ASB6: variants seen among roughly 807,000 people sequenced by gnomAD.
ASB6 encodes the protein ankyrin repeat and SOCS box protein 6.
In ASB6, 24 loss-of-function variants were observed where a neutral mutation model predicts 28.6. The observed-to-expected ratio is 0.84, with a 90% CI of 0.61 to 1.18. The LOEUF (loss-of-function observed/expected upper bound fraction) is 1.18, where lower values mean the gene tolerates loss of function less well. ASB6 is among the 50% of genes most tolerant of loss of function. The probability of loss-of-function intolerance (pLI) is 0.00; values close to 1 mark genes in which losing one functional copy is unlikely to be tolerated. For missense variants in ASB6, 519 were observed against 559.8 expected (o/e 0.93, Z 0.74); for synonymous variants, 267 against 243.4 (o/e 1.10, Z -0.90).
Position 129,639,482 on chromosome 9 carries a change from G to A in ASB6, c.322C>T (p.His108Tyr), listed in dbSNP as rs1831640261. Residue 108 changes from histidine to tyrosine, a missense_variant, in exon 3 of 6, where the codon CAC becomes TAC. His to Tyr is a moderately conservative substitution (Grantham distance 83). Transcript: ENST00000277458. ...EDPVTYYTAL[H>Y]IAVLRNQPDM... ...GGCTGGTTCCGCAGGACGGCGATGT[G>A]CAAGGCCGTGTAGTAGGTGACTGGG... The A allele has an allele frequency of 3.1e-6, 5 of 1,613,614 alleles. No homozygotes were observed. In the South Asian group the frequency reaches 5.5e-5, roughly 18 times the overall value.
In ASB6 at chr9:129,638,060, G is replaced by A; in HGVS notation, c.996C>T (p.Leu332=). The change falls in exon 6 of 6, where the codon CTC becomes CTT. Residue 332 remains leucine, a synonymous_variant. Transcript: ENST00000277458. ...LLRKAETVLD[L]MVTNSQKLQL... ...GGAGTTTCTGAGAGTTGGTCACCAT[G>A]AGATCCAGGACAGTCTCAGCTTTGC... 1.9e-6 allele frequency: 3 copies of A among 1,614,210 alleles called. No homozygotes were observed. Among genetic ancestry groups the A allele is most frequent in the Non-Finnish European group, 2.5e-6 (3 of 1,180,046 alleles).
In ASB6 at chr9:129,637,824, C is replaced by A. The variant is rs568864328; in HGVS notation, c.1232G>T (p.Ser411Ile). The change falls in exon 6 of 6, where the codon AGC becomes ATC. Residue 411 changes from serine to isoleucine, a missense_variant. By Grantham distance (142) the Ser-to-Ile change is moderately radical. Coordinates refer to ENST00000277458, the MANE Select transcript of ASB6 (RefSeq NM_017873.4). ...ATCTTCCACGGAGCCACTGTGCTCG[C>A]TAAGGAGGTACCACTTCAGCCTGTC... ...LPDRLKWYLL[S>I]EHSGSVEDDI The A allele has an allele frequency of 1.3e-5, 20 of 1,519,012 alleles. No individual in the cohort carries two copies. The East Asian group carries it at 3.4e-4, about 26-fold the overall frequency. 94.1% of individuals were successfully genotyped at this position (1,519,012 alleles called of 1,614,324 possible).
chr9:129,635,509 G>A lies in ASB6; in HGVS notation c.*2281C>T. ...ACTGAGGAACCACAGTCCTGGTGGG[G>A]GGAGCTGGCAGCTGGGCAAGATCCA... is the stretch of plus-strand genomic sequence containing the variant. On this transcript the variant is annotated 3_prime_UTR_variant, in exon 6 of 6. Coordinates refer to ENST00000277458, the MANE Select transcript of ASB6 (RefSeq NM_017873.4). 6.3e-7 allele frequency: 1 copy of A among 1,576,572 alleles called. No homozygotes were observed. Among genetic ancestry groups the A allele is most frequent in the Non-Finnish European group, 8.6e-7 (1 of 1,159,770 alleles).
At position 129,642,124 on chromosome 9, in the gene ASB6, G is replaced by C; in HGVS notation, c.-125C>G. The C allele has an allele frequency of 1.5e-6, 2 of 1,338,470 alleles. No homozygotes were observed. Among genetic ancestry groups the C allele is most frequent in the Non-Finnish European group, 1.9e-6 (2 of 1,045,804 alleles). 82.9% of individuals were successfully genotyped at this position (1,338,470 alleles called of 1,614,324 possible). Reference sequence around the variant, plus strand: ...TCCGCCAGTCCAGCCCCTGCGCCCGGCCGGGTCCGCTCCTCAGTCCAAGCC... The same window carrying C: ...TCCGCCAGTCCAGCCCCTGCGCCCGCCCGGGTCCGCTCCTCAGTCCAAGCC... On this transcript the variant is annotated 5_prime_UTR_variant, in exon 1 of 6. Coordinates refer to ENST00000277458, the MANE Select transcript of ASB6 (RefSeq NM_017873.4). This position sits in a 1 kb window ranked among gnomAD's most constrained non-coding sequence, Gnocchi z 4.3.
In ASB6 at chr9:129,635,297, A is replaced by G; in HGVS notation, c.*2493T>C. Reference sequence around the variant, plus strand: ...CGGCATCATCGTCATCAAAGACAACATGGCCCAGGAGGGCGTGATTCTGGA... The same window carrying G: ...CGGCATCATCGTCATCAAAGACAACGTGGCCCAGGAGGGCGTGATTCTGGA... On this transcript the variant is annotated 3_prime_UTR_variant, in exon 6 of 6. Coordinates refer to ENST00000277458, the MANE Select transcript of ASB6 (RefSeq NM_017873.4). The G allele has an allele frequency of 6.2e-7, 1 of 1,613,788 alleles. No individual in the cohort carries two copies. Among genetic ancestry groups the G allele is most frequent in the Non-Finnish European group, 8.5e-7 (1 of 1,180,032 alleles).
chr9:129,636,290 C>CTGAGGCAGGAGAATGGGG lies in ASB6; in HGVS notation c.*1482_*1499dup, dbSNP rs1831547684. On this transcript the variant is annotated 3_prime_UTR_variant, in exon 6 of 6. Transcript: ENST00000277458. ...CCTGTAGTCCCAGCTACTCAGGAGG[C>CTGAGGCAGGAGAATGGGG]TGAGGCAGGAGAATGGGGTGAGCCC... The CTGAGGCAGGAGAATGGGG allele has an allele frequency of 6.6e-6, 1 of 151,690 alleles. No homozygotes were observed. Among genetic ancestry groups the CTGAGGCAGGAGAATGGGG allele is most frequent in the Non-Finnish European group, 1.5e-5 (1 of 68,002 alleles). 9.4% of individuals were successfully genotyped at this position (151,690 alleles called of 1,614,324 possible).
chr9:129,635,626 A>G lies in ASB6; in HGVS notation c.*2164T>C. On this transcript the variant is annotated 3_prime_UTR_variant, in exon 6 of 6. Transcript: ENST00000277458. ...TATGCGGGCTCTTCTTCAAAAGGCA[A>G]GGTGGGACCCGGCGGGGAGGGTGCT... 1.1e-6 allele frequency: 1 copy of G among 900,594 alleles called. No individual in the cohort carries two copies. The highest frequency in any genetic ancestry group is 1.7e-5 in the African/African-American group (1 of 60,286). 55.8% of individuals were successfully genotyped at this position (900,594 alleles called of 1,614,324 possible).
At position 129,640,695 on chromosome 9, in the gene ASB6, G is replaced by C. The variant is rs1347960631; in HGVS notation, c.141C>G (p.Ser47Arg). Residue 47 changes from serine to arginine, a missense_variant, in exon 2 of 6, where the codon AGC becomes AGG. Transcript: ENST00000277458. ...GCAGCTCAGTGAGAACAAGGATTCGGCTCTCCTCGCTGGCGACATAACTGG... is the reference window on the plus strand; with the variant it reads ...GCAGCTCAGTGAGAACAAGGATTCGCCTCTCCTCGCTGGCGACATAACTGG... ...DRPSYVASEE[S>R]RILVLTELLE... is the part of the protein sequence containing the mutation. The C allele has an allele frequency of 1.2e-6, 2 of 1,613,948 alleles. No individual in the cohort carries two copies. Among genetic ancestry groups the C allele is most frequent in the South Asian group, 2.2e-5 (2 of 91,080 alleles).
chr9:129,640,823 G>A, intron 1 of ASB6, 101 bp from the exon 2 acceptor site: 1 of 1,411,060 alleles, frequency 7.1e-7, no homozygotes, highest in Admixed American at 2.2e-5. Context: ...TCATCAGCAA[G>A]CAGGGCCCTG....
rs778773036 is a variant in ASB6 at position 129,638,341 on chromosome 9, A to G, written c.715T>C (p.Cys239Arg). Residue 239 changes from cysteine to arginine, a missense_variant, in exon 6 of 6, where the codon TGC becomes CGC. Physicochemically the swap from Cys to Arg is radical, Grantham distance 180 (BLOSUM62 -3). Transcript: ENST00000277458. ...AGCAGCAGCCGTGTGACTTGGAAGC[A>G]GAAGCGGTTGATCATCTGGGCCTCC... ...KEEAQMINRF[C>R]FQVTRLLLAH... is the part of the protein sequence containing the mutation. The G allele has an allele frequency of 1.2e-6, 2 of 1,613,076 alleles. No homozygotes were observed. Among genetic ancestry groups the G allele is most frequent in the South Asian group, 1.1e-5 (1 of 91,080 alleles).
chr9:129,640,674 C>T lies in ASB6; in HGVS notation c.162G>A (p.Glu54=). ...SEESRILVLT[E]LLERKAHSPF... ...GAGAGTGGGCTTTCCTCTCCAGCAGCTCAGTGAGAACAAGGATTCGGCTCT... is the reference window on the plus strand; with the variant it reads ...GAGAGTGGGCTTTCCTCTCCAGCAGTTCAGTGAGAACAAGGATTCGGCTCT... The change falls in exon 2 of 6, where the codon GAG becomes GAA. Residue 54 remains glutamate, a synonymous_variant. Transcript: ENST00000277458. 1 of 1,614,196 alleles carries T rather than the reference C, an allele frequency of 6.2e-7. No individual in the cohort carries two copies. Among genetic ancestry groups the T allele is most frequent in the Non-Finnish European group, 8.5e-7 (1 of 1,180,036 alleles).
chr9:129,638,862 G>A (rs1831624406), intron 4 of ASB6, among the ~76,000 whole-genome samples: 1 of 152,212 alleles, frequency 6.6e-6, no homozygotes. Flanking sequence ...GAAAGGCCAG[G>A]AAAGGTAGGA....
chr9:129,639,240 A>G lies in ASB6; in HGVS notation c.473T>C (p.Leu158Pro), dbSNP rs776545809. 1.2e-6 allele frequency: 2 copies of G among 1,612,184 alleles called. No homozygotes were observed. The highest frequency in any genetic ancestry group is 1.1e-5 in the South Asian group (1 of 90,944). The change falls in exon 4 of 6, where the codon CTG becomes CCG. Residue 158 changes from leucine (L) to proline (P), a missense_variant. Leu to Pro is a moderately conservative substitution (Grantham distance 98). Transcript: ENST00000277458. ...GGCATTGACATCAGCTCCAAGGTCC[A>G]GGAGGCGCTGCAGGCAGGGCAGGCG... ...PERLPCLQRL[L>P]DLGADVNAAD...
chr9:129,635,598 C>A lies in ASB6; in HGVS notation c.*2192G>T. ...TAAATATAGCTGTCTGCCGTCCACT[C>A]ATTATGCGGGCTCTTCTTCAAAAGG... is the stretch of plus-strand genomic sequence containing the variant. On this transcript the variant is annotated 3_prime_UTR_variant, in exon 6 of 6. Transcript: ENST00000277458. 2 of 1,111,424 alleles carry A rather than the reference C, an allele frequency of 1.8e-6. No homozygotes were observed. Among genetic ancestry groups the A allele is most frequent in the Non-Finnish European group, 2.6e-6 (2 of 778,804 alleles). The allele number at this position is 1,111,424 out of a possible 1,614,324, so 68.8% of individuals were successfully genotyped here.
rs762457236 is a variant in ASB6 at position 129,635,466 on chromosome 9, C to T, written c.*2324G>A. 2.5e-6 allele frequency: 4 copies of T among 1,603,010 alleles called. No homozygotes were observed. The African/African-American group carries it at 4.0e-5, about 16-fold the overall frequency. ...GTCTATAGCTTTGCCCTGAGATGAG[C>T]CGGGGCTGGCAGGAGAAACTGAGGA... On this transcript the variant is annotated 3_prime_UTR_variant, in exon 6 of 6. Coordinates refer to ENST00000277458, the MANE Select transcript of ASB6 (RefSeq NM_017873.4).
In ASB6 at chr9:129,638,577, T is replaced by C; in HGVS notation, c.594A>G (p.Glu198=). The C allele has an allele frequency of 1.2e-6, 2 of 1,613,966 alleles. No individual in the cohort carries two copies. The highest frequency in any genetic ancestry group is 1.7e-6 in the Non-Finnish European group (2 of 1,179,936). The change falls in exon 5 of 6, where the codon GAA becomes GAG. Residue 198 remains glutamate (E), a synonymous_variant. Coordinates refer to ENST00000277458, the MANE Select transcript of ASB6 (RefSeq NM_017873.4). Reference sequence around the variant, plus strand: ...CTAGGAGCGCGCCAGCCTCACCTCCTTCCAGTAAGAGACGAATGTTCTCAG... The same window carrying C: ...CTAGGAGCGCGCCAGCCTCACCTCCCTCCAGTAAGAGACGAATGTTCTCAG... The part of the protein sequence containing the change: ...HNTENIRLLL[E]GGADVKATTK...
Position 129,635,582 on chromosome 9 carries a change from C to T in ASB6, c.*2208G>A, listed in dbSNP as rs1831505429. 2 of 1,226,662 alleles carry T rather than the reference C, an allele frequency of 1.6e-6. No individual in the cohort carries two copies. Among genetic ancestry groups the T allele is most frequent in the East Asian group, 2.3e-5 (1 of 42,582 alleles). The allele number at this position is 1,226,662 out of a possible 1,614,324, so 76.0% of individuals were successfully genotyped here. On this transcript the variant is annotated 3_prime_UTR_variant, in exon 6 of 6. Coordinates refer to ENST00000277458, the MANE Select transcript of ASB6 (RefSeq NM_017873.4). ...AGTGTCGAGGCACCACTAAATATAG[C>T]TGTCTGCCGTCCACTCATTATGCGG... is the stretch of plus-strand genomic sequence containing the variant.
Position 129,634,852 on chromosome 9 carries a change from A to C in ASB6, c.*2938T>G, listed in dbSNP as rs908913668. The C allele has an allele frequency of 7.0e-6, 2 of 284,654 alleles. No homozygotes were observed. Among genetic ancestry groups the C allele is most frequent in the Non-Finnish European group, 6.7e-6 (1 of 148,650 alleles). 17.6% of individuals were successfully genotyped at this position (284,654 alleles called of 1,614,324 possible). A position where few individuals can be genotyped will look rare whatever the true frequency, so the allele number is the denominator to read the frequency against. Reference sequence around the variant, plus strand: ...TGGGGACTTCTAGTGTAGGGAAGGCAGTCTCTCTGGGAGCTCCTGCAATGC... The same window carrying C: ...TGGGGACTTCTAGTGTAGGGAAGGCCGTCTCTCTGGGAGCTCCTGCAATGC... On this transcript the variant is annotated 3_prime_UTR_variant, in exon 6 of 6. Coordinates refer to ENST00000277458, the MANE Select transcript of ASB6 (RefSeq NM_017873.4).
At position 129,639,448 on chromosome 9, in the gene ASB6, A is replaced by G; in HGVS notation, c.356T>C (p.Val119Ala). The G allele has an allele frequency of 6.2e-7, 1 of 1,613,846 alleles. No individual in the cohort carries two copies. Among genetic ancestry groups the G allele is most frequent in the Non-Finnish European group, 8.5e-7 (1 of 1,179,834 alleles). The change falls in exon 3 of 6, where the codon GTG becomes GCG. Residue 119 changes from valine to alanine, a missense_variant. By Grantham distance (64) the Val-to-Ala change is moderately conservative. Coordinates refer to ENST00000277458, the MANE Select transcript of ASB6 (RefSeq NM_017873.4). Reference sequence around the variant, plus strand: ...GGCCCCGTGATGCACCAGCAGCTCCACCATGTCCGGCTGGTTCCGCAGGAC... The same window carrying G: ...GGCCCCGTGATGCACCAGCAGCTCCGCCATGTCCGGCTGGTTCCGCAGGAC... ...IAVLRNQPDM[V>A]ELLVHHGADV...
Sources: gnomAD v4.1 joint callset for allele counts (sites outside exome capture counted in the v4.1 genomes callset) on GRCh38, gnomAD v4.1.1 for gene constraint, Gnocchi (gnomAD v3.1) non-coding constraint, MANE v1.5 for transcripts, NCBI Gene and HGNC (gene_info 2026-07-23, HGNC 2026-07-21) for gene names.